The following CCNYL1 variants were observed in gnomAD, a reference collection of about 807,000 sequenced individuals.
CCNYL1 encodes cyclin-Y-like protein 1.
A neutral mutation model predicts 44.2 loss-of-function variants in CCNYL1; 16 were observed. That is an observed-to-expected ratio of 0.36 (90% CI 0.25 to 0.55). The LOEUF is 0.55. Ranked by LOEUF, CCNYL1 falls within the 20% of genes least tolerant of loss-of-function variation. The probability of loss-of-function intolerance (pLI) is 0.85; values close to 1 mark genes in which losing one functional copy is unlikely to be tolerated. For missense variants in CCNYL1, 348 were observed against 451.8 expected (o/e 0.77, Z 2.08); for synonymous variants, 159 against 163.2 (o/e 0.97, Z 0.20).
intron 9 of CCNYL1, among the ~76,000 whole-genome samples, chr2:207,751,949 C>T (rs767959763): frequency 3.3e-5 from 5 of 151,646 alleles, no homozygotes; most frequent in African/African-American, 4.8e-5. Flanking sequence ...GCATGAGCAT[C>T]GCTTGAACCT....
intron 1 of CCNYL1, among the ~76,000 whole-genome samples, chr2:207,720,690 C>T (rs1021434559): frequency 6.6e-6 from 1 of 152,062 alleles, no homozygotes; most frequent in Non-Finnish European, 1.5e-5. Context: ...GCTGGGATTA[C>T]AGGTGTGAGT....
intron 3 of CCNYL1, among the ~76,000 whole-genome samples, chr2:207,731,732 A>G (rs1267860713): frequency 6.6e-6 from 1 of 151,860 alleles, no homozygotes; most frequent in Non-Finnish European, 1.5e-5. Flanking sequence ...GATACTCTTG[A>G]TAACAAAAAA....
At chr2:207,741,111 C>G (rs1017178301) in intron 6 of CCNYL1, among the ~76,000 whole-genome samples, 3 of 152,026 alleles carry the variant, frequency 2.0e-5, no homozygotes, top group Non-Finnish European at 4.4e-5. Context: ...AAAAATTAGC[C>G]GGGCACGGTG....
chr2:207,718,715 G>A (rs189125296), intron 1 of CCNYL1, among the ~76,000 whole-genome samples: 163 of 152,254 alleles, frequency 1.1e-3, no homozygotes, highest in Non-Finnish European at 2.0e-3. Flanking sequence ...AGTTGCATTC[G>A]TGTATTGCTG....
chr2:207,731,432 A>G (rs2091724841), intron 3 of CCNYL1, among the ~76,000 whole-genome samples: 1 of 152,224 alleles, frequency 6.6e-6, no homozygotes, highest in Non-Finnish European at 1.5e-5. Flanking sequence ...GACTAAATGA[A>G]GATGAATGAT....
intron 1 of CCNYL1, among the ~76,000 whole-genome samples, chr2:207,715,307 TGAA>T (rs1357612138): frequency 1.3e-5 from 2 of 150,514 alleles, no homozygotes; most frequent in Middle Eastern, 3.4e-3. Flanking sequence ...TTTTCTACAA[TGAA>T]GAATTATTTT....
At chr2:207,712,956 C>G (rs1217113534) in intron 1 of CCNYL1, among the ~76,000 whole-genome samples, 1 of 152,222 alleles carries the variant, frequency 6.6e-6, no homozygotes, top group Non-Finnish European at 1.5e-5. Flanking sequence ...GCTGGGATTA[C>G]AGGCGTGCGC....
intron 7 of CCNYL1, among the ~76,000 whole-genome samples, chr2:207,745,142 C>G (rs1029183123): frequency 6.6e-6 from 1 of 152,020 alleles, no homozygotes; most frequent in African/African-American, 2.4e-5. Flanking sequence ...AAGCTGACAC[C>G]AGGACATGAT....
intron 6 of CCNYL1, among the ~76,000 whole-genome samples, chr2:207,741,178 G>A (rs946465330): frequency 5.9e-5 from 9 of 151,946 alleles, no homozygotes; most frequent in Non-Finnish European, 1.0e-4. Context: ...TGGCGTGAAC[G>A]TGGAAGGCGG....
chr2:207,743,704 A>G (rs753731495), intron 7 of CCNYL1, among the ~76,000 whole-genome samples: 3 of 152,236 alleles, frequency 2.0e-5, no homozygotes, highest in Admixed American at 2.0e-4. Context: ...AAAAGAACAG[A>G]GATCAAGATA....
rs189099128 is a variant in CCNYL1 at position 207,732,144 on chromosome 2, G to A, written c.331-1803G>A. On this transcript the variant is annotated intron_variant, in intron 3 of 9. Coordinates refer to ENST00000295414, the MANE Select transcript of CCNYL1 (RefSeq NM_001330218.2). ...ACTTTGAATGAATGTATTTGAATGAGTCAGTTTTTATTTTTTATACTGTAT... is the reference window on the plus strand; with the variant it reads ...ACTTTGAATGAATGTATTTGAATGAATCAGTTTTTATTTTTTATACTGTAT... 1.1e-4 allele frequency among the ~76,000 whole-genome samples: 16 copies of A among 152,176 alleles called. No individual in the cohort carries two copies. The East Asian group carries it at 3.1e-3, about 29-fold the overall frequency.
At chr2:207,717,108 C>CAAA (rs1171959044) in intron 1 of CCNYL1, among the ~76,000 whole-genome samples, 2 of 62,170 alleles carry the variant, frequency 3.2e-5, no homozygotes, top group Non-Finnish European at 6.7e-5. Flanking sequence ...GACTCCATCT[C>CAAA]AAAAAAAAAA....
intron 1 of CCNYL1, among the ~76,000 whole-genome samples, chr2:207,716,083 G>A (rs948697903): frequency 2.0e-5 from 3 of 152,106 alleles, no homozygotes; most frequent in African/African-American, 4.8e-5. Context: ...CATAACTGAC[G>A]GTAGTATCAG....
chr2:207,752,548 T>A (rs541433255), intron 9 of CCNYL1, among the ~76,000 whole-genome samples: 43 of 142,830 alleles, frequency 3.0e-4, no homozygotes, highest in South Asian at 2.9e-3. Context: ...AAAAAAAAAA[T>A]AATAATGTAG....
intron 5 of CCNYL1, among the ~76,000 whole-genome samples, chr2:207,737,895 T>A (rs1375708867): frequency 2.0e-5 from 3 of 152,138 alleles, no homozygotes. Context: ...GAAAAATAAC[T>A]CTCTTCTACA....
At chr2:207,747,864 T>C in intron 8 of CCNYL1, among the ~76,000 whole-genome samples, 1 of 152,244 alleles carries the variant, frequency 6.6e-6, no homozygotes, top group Non-Finnish European at 1.5e-5. Flanking sequence ...GGCCTCTTTA[T>C]GGCTTTTAAA....
intron 4 of CCNYL1, among the ~76,000 whole-genome samples, chr2:207,734,453 T>A (rs1487403232): frequency 6.6e-6 from 1 of 152,260 alleles, no homozygotes; most frequent in Non-Finnish European, 1.5e-5. Flanking sequence ...GAACAGCTTG[T>A]CCTCTACTGG....
Position 207,730,906 on chromosome 2 carries a change from A to C in CCNYL1, c.331-3041A>C, listed in dbSNP as rs531143950. Among the ~76,000 whole-genome samples, 437 of 152,322 alleles carry C rather than the reference A, an allele frequency of 2.9e-3. 1 individual carries two copies. Among genetic ancestry groups the C allele is most frequent in the Middle Eastern group, 0.01 (3 of 294 alleles). On this transcript the variant is annotated intron_variant, in intron 3 of 9. Coordinates refer to ENST00000295414, the MANE Select transcript of CCNYL1 (RefSeq NM_001330218.2). The stretch of plus-strand genomic sequence containing the variant: ...TAATGAAATTTCAGGAGGGCAAGGA[A>C]ATAAATTTATGGTCAATCTGCCATG...
At position 207,729,777 on chromosome 2, in the gene CCNYL1, C is replaced by T. The variant is rs566596109; in HGVS notation, c.330+2901C>T. 3.9e-5 allele frequency among the ~76,000 whole-genome samples: 6 copies of T among 152,146 alleles called. No individual in the cohort carries two copies. The South Asian group carries it at 1.0e-3, about 26-fold the overall frequency. ...CTGGAGTGCAGTGGCGTGATCTCAG[C>T]GCCCTCTGCCAAGATGCAACCTCTT... On this transcript the variant is annotated intron_variant, in intron 3 of 9. Coordinates refer to ENST00000295414, the MANE Select transcript of CCNYL1 (RefSeq NM_001330218.2).
Sources: gnomAD v4.1 joint callset for allele counts (sites outside exome capture counted in the v4.1 genomes callset) on GRCh38, gnomAD v4.1.1 for gene constraint, MANE v1.5 for transcripts, NCBI Gene and HGNC (gene_info 2026-07-23, HGNC 2026-07-21) for gene names.